GNAT3: variants seen among roughly 807,000 people sequenced by gnomAD.
GNAT3 encodes the protein guanine nucleotide-binding protein G(t) subunit alpha-3.
Under a neutral mutation model 37.7 loss-of-function variants are expected in GNAT3, and 31 were observed. The ratio of observed to expected loss-of-function variants is 0.82; its 90% confidence interval spans 0.62 to 1.11. The LOEUF (loss-of-function observed/expected upper bound fraction) is 1.11, where lower values mean the gene tolerates loss of function less well. GNAT3 is among the 50% of genes most tolerant of loss of function. The pLI, the probability that GNAT3 is intolerant of heterozygous loss-of-function variation, is 0.00. For missense variants in GNAT3, 437 were observed against 412.5 expected, an observed-to-expected ratio of 1.06 and a Z score of -0.51; for synonymous variants, 138 against 139.8, an observed-to-expected ratio of 0.99 and a Z score of 0.09.
At position 80,495,981 on chromosome 7, in the gene GNAT3, G is replaced by T. The variant is rs939499349; in HGVS notation, c.119-1334C>A. ...TTTGTTTGATGCATAGCTTGCAAAT[G>T]TTTTCTCCCATTCTTTAGACGTCTG... On this transcript the variant is annotated intron_variant, in intron 1 of 7. Coordinates refer to ENST00000398291, the MANE Select transcript of GNAT3 (RefSeq NM_001102386.3). 2.6e-5 allele frequency among the ~76,000 whole-genome samples: 4 copies of T among 151,986 alleles called. No individual in the cohort carries two copies. In the East Asian group the frequency reaches 7.7e-4, roughly 29 times the overall value.
intron 2 of GNAT3, among the ~76,000 whole-genome samples, 170 bp from the exon 3 acceptor site, chr7:80,488,846 T>C (rs1350278049): frequency 6.6e-6 from 1 of 152,154 alleles, no homozygotes; most frequent in African/African-American, 2.4e-5. Flanking sequence ...ACTTTTATTA[T>C]CATTGTCATT....
intron 1 of GNAT3, among the ~76,000 whole-genome samples, chr7:80,497,329 C>T (rs932350159): frequency 1.3e-5 from 2 of 151,980 alleles, no homozygotes; most frequent in Non-Finnish European, 2.9e-5. Context: ...ATGAGCTTTG[C>T]ACAATAGTCT....
At chr7:80,475,718 A>C (rs1386878508) in intron 4 of GNAT3, among the ~76,000 whole-genome samples, 3 of 152,176 alleles carry the variant, frequency 2.0e-5, no homozygotes, top group Admixed American at 2.0e-4. Context: ...TAGTTAAAAA[A>C]ATTCATTATT....
At chr7:80,473,726 G>A (rs887394507) in intron 5 of GNAT3, among the ~76,000 whole-genome samples, 4 of 152,074 alleles carry the variant, frequency 2.6e-5, no homozygotes, top group East Asian at 1.9e-4. Flanking sequence ...TAATATAACC[G>A]CAATGAAAAT....
rs1310760691 is a variant in GNAT3, at chr7:80,488,665, T to C, written c.173A>G (p.Lys58Arg). Residue 58 changes from lysine (K) to arginine (R), a missense_variant, in exon 3 of 8, where the codon AAG becomes AGG. Lys to Arg is a conservative substitution (Grantham distance 26). Transcript: ENST00000398291. The stretch of plus-strand genomic sequence containing the variant: ...GCATTCTTGCTCACTGTAACCATTC[T>C]TATGGATGATCCTATAATTTAAACA... The part of the protein sequence containing the change: ...TIVKQMKIIH[K>R]NGYSEQECME... The C allele has an allele frequency of 6.4e-7, 1 of 1,574,308 alleles. No homozygotes were observed. The highest frequency in any genetic ancestry group is 1.2e-5 in the South Asian group (1 of 86,308).
intron 3 of GNAT3, among the ~76,000 whole-genome samples, chr7:80,481,059 C>T (rs181083374): frequency 1.2e-4 from 19 of 152,210 alleles, no homozygotes; most frequent in Admixed American, 1.2e-3. Context: ...GAATTGACTA[C>T]AGTTTTTTTC....
At chr7:80,509,711 A>G (rs984379555) in intron 1 of GNAT3, among the ~76,000 whole-genome samples, 1 of 152,104 alleles carries the variant, frequency 6.6e-6, no homozygotes, top group Non-Finnish European at 1.5e-5. Flanking sequence ...TCAGTAGTCC[A>G]TTGATTTTCA....
intron 3 of GNAT3, among the ~76,000 whole-genome samples, chr7:80,487,190 G>A (rs1007826760): frequency 2.6e-5 from 4 of 151,916 alleles, no homozygotes; most frequent in Non-Finnish European, 4.4e-5. Flanking sequence ...AAAATCCTAC[G>A]TTCTTAGGAA....
At chr7:80,469,952 G>T (rs539984557) in intron 5 of GNAT3, among the ~76,000 whole-genome samples, 2 of 152,060 alleles carry the variant, frequency 1.3e-5, no homozygotes, top group South Asian at 4.2e-4. Context: ...ATTTTAAATA[G>T]CTCCTCAAGA....
At chr7:80,497,627 T>TAC (rs1319235015) in intron 1 of GNAT3, among the ~76,000 whole-genome samples, 4 of 111,924 alleles carry the variant, frequency 3.6e-5, no homozygotes, top group African/African-American at 2.2e-4. Flanking sequence ...TATACGTATA[T>TAC]ACATATACGT....
chr7:80,505,390 CAG>C (rs746138951), intron 1 of GNAT3, among the ~76,000 whole-genome samples: 95 of 152,176 alleles, frequency 6.2e-4, no homozygotes, highest in South Asian at 1.5e-3. Flanking sequence ...TTTTTTGAGA[CAG>C]AGTCTCACTC....
chr7:80,504,239 C>T (rs568225363), intron 1 of GNAT3, among the ~76,000 whole-genome samples: 9 of 151,906 alleles, frequency 5.9e-5, no homozygotes, highest in Admixed American at 2.0e-4. Flanking sequence ...TCACTTGAGC[C>T]CAGGAAGTTG....
rs576372202 is a variant in GNAT3, at chr7:80,499,017, G to C, written c.119-4370C>G. 2.0e-5 allele frequency among the ~76,000 whole-genome samples: 3 copies of C among 152,106 alleles called. No homozygotes were observed. The East Asian group carries it at 5.8e-4, about 29-fold the overall frequency. On this transcript the variant is annotated intron_variant, in intron 1 of 7. Coordinates refer to ENST00000398291, the MANE Select transcript of GNAT3 (RefSeq NM_001102386.3). ...CACACAAGGCTTGATTGCTCATTTTGGATGACTTGTTCAAACAGGCAAAAT... is the reference window on the plus strand; with the variant it reads ...CACACAAGGCTTGATTGCTCATTTTCGATGACTTGTTCAAACAGGCAAAAT...
chr7:80,510,538 C>G (rs1017070247), intron 1 of GNAT3, among the ~76,000 whole-genome samples: 1 of 152,124 alleles, frequency 6.6e-6, no homozygotes, highest in African/African-American at 2.4e-5. Context: ...GTCCATATTA[C>G]TTTCACTCTT....
chr7:80,477,257 C>G (rs1245621265), intron 4 of GNAT3, among the ~76,000 whole-genome samples: 1 of 152,118 alleles, frequency 6.6e-6, no homozygotes, highest in East Asian at 1.9e-4. Flanking sequence ...ATCTTTCTCT[C>G]TAGCTCTCTA....
At chr7:80,496,526 TTTC>T (rs1215003067) in intron 1 of GNAT3, among the ~76,000 whole-genome samples, 1 of 152,198 alleles carries the variant, frequency 6.6e-6, no homozygotes, top group East Asian at 1.9e-4. Context: ...TCCTAACACT[TTTC>T]TTCTTCTACA....
intron 2 of GNAT3, among the ~76,000 whole-genome samples, chr7:80,490,870 T>A (rs923418334): frequency 6.6e-6 from 1 of 152,088 alleles, no homozygotes; most frequent in Non-Finnish European, 1.5e-5. Flanking sequence ...CCTTCTATAG[T>A]GTGTTAGTCT....
Position 80,485,548 on chromosome 7 carries a change from C to T in GNAT3, c.303+2987G>A, listed in dbSNP as rs375411492. On this transcript the variant is annotated intron_variant, in intron 3 of 7. Transcript: ENST00000398291. ...TTTTGAAATAGCATATTTGTAGTTA[C>T]TTGTTAAACATCAAGCTCTCCTCTC... Among the ~76,000 whole-genome samples, 102 of 152,234 alleles carry T rather than the reference C, an allele frequency of 6.7e-4. 1 individual carries two copies. In the South Asian group the frequency reaches 0.021, roughly 31 times the overall value.
intron 3 of GNAT3, among the ~76,000 whole-genome samples, chr7:80,486,024 T>C (rs1430756250): frequency 6.6e-6 from 1 of 152,178 alleles, no homozygotes; most frequent in Non-Finnish European, 1.5e-5. Flanking sequence ...TAAAAGTATA[T>C]GCACTTGTAT....
Sources: gnomAD v4.1 joint callset for allele counts (sites outside exome capture counted in the v4.1 genomes callset) on GRCh38, gnomAD v4.1.1 for gene constraint, MANE v1.5 for transcripts, NCBI Gene and HGNC (gene_info 2026-07-23, HGNC 2026-07-21) for gene names.